ANKRD11: variants seen among roughly 807,000 people sequenced by gnomAD.
The protein encoded by ANKRD11 is ankyrin repeat domain 11.
A neutral mutation model predicts 195.7 loss-of-function variants in ANKRD11; 17 were observed. The observed-to-expected ratio is 0.09, with a 90% CI of 0.06 to 0.13. ANKRD11 has a LOEUF of 0.13. ANKRD11 is among the 10% of genes least tolerant of loss of function. ANKRD11 has a pLI of 1.00. For synonymous variants in ANKRD11, 1,953 were observed against 1,528.1 expected, an observed-to-expected ratio of 1.28 and a Z score of -6.49; for missense variants, 3,735 against 3,566.1, an observed-to-expected ratio of 1.05 and a Z score of -1.21.
intron 1 of ANKRD11, among the ~76,000 whole-genome samples, chr16:89,484,806 T>C (rs1035263194): frequency 5.9e-5 from 9 of 152,170 alleles, no homozygotes; most frequent in Non-Finnish European, 1.2e-4. Flanking sequence ...AAATGGTTTG[T>C]TGAGAAAAAG....
chr16:89,373,917 G>A (rs1044153781), intron 2 of ANKRD11, among the ~76,000 whole-genome samples: 18 of 152,286 alleles, frequency 1.2e-4, no homozygotes, highest in Admixed American at 3.3e-4. Flanking sequence ...CGGTCCACAC[G>A]GGACAGGGTC....
intron 1 of ANKRD11, among the ~76,000 whole-genome samples, chr16:89,458,477 G>A (rs2056532667): frequency 6.6e-6 from 1 of 152,150 alleles, no homozygotes. Flanking sequence ...GCCCATCTCG[G>A]CCTCCCAAAG....
intron 9 of ANKRD11, 151 bp from the exon 10 acceptor site, chr16:89,275,342 A>G (rs2033560641): frequency 1.5e-6 from 1 of 660,404 alleles, no homozygotes; most frequent in Non-Finnish European, 2.6e-6. Flanking sequence ...CAGACACACC[A>G]GGAAGCTTCT....
chr16:89,275,126 C>T lies in ANKRD11; in HGVS notation c.7536G>A (p.Arg2512=), dbSNP rs907721683. The stretch of plus-strand genomic sequence containing the variant: ...TGCTGTGCTGTAGACGCAGCTTTCC[C>T]CGGACGGCCTCCTGCTGCCTGAACA... ...KELFRQQEAV[R]GKLRLQHSIE... Residue 2512 remains arginine (R), a synonymous_variant, in exon 10 of 13, where the codon CGG becomes CGA. Coordinates refer to ENST00000301030, the MANE Select transcript of ANKRD11 (RefSeq NM_013275.6). The T allele has an allele frequency of 3.1e-6, 5 of 1,612,410 alleles. No individual in the cohort carries two copies. Among genetic ancestry groups the T allele is most frequent in the African/African-American group, 1.3e-5 (1 of 74,914 alleles).
At chr16:89,340,461 G>C (rs1054711921) in intron 2 of ANKRD11, among the ~76,000 whole-genome samples, 2 of 152,194 alleles carry the variant, frequency 1.3e-5, no homozygotes, top group Non-Finnish European at 2.9e-5. Context: ...TTTTAGTAGA[G>C]ATGGGGTTTC....
At chr16:89,431,781 G>C (rs1385284275) in intron 1 of ANKRD11, among the ~76,000 whole-genome samples, 1 of 152,094 alleles carries the variant, frequency 6.6e-6, no homozygotes, top group East Asian at 1.9e-4. Flanking sequence ...TGTCCAACTA[G>C]AGACACTGTC....
chr16:89,410,202 C>T (rs1042039441), intron 2 of ANKRD11, among the ~76,000 whole-genome samples: 2 of 152,162 alleles, frequency 1.3e-5, no homozygotes, highest in African/African-American at 4.8e-5. Context: ...ACGGAGCAGG[C>T]ACCTCACAGA....
At chr16:89,271,683 T>A (rs2033168040) in intron 11 of ANKRD11, 1 of 152,826 alleles carries the variant, frequency 6.5e-6, no homozygotes, top group East Asian at 1.9e-4. Context: ...CTGGGAAAAC[T>A]GGCTACGCAT....
At chr16:89,475,552 T>A (rs914122081) in intron 1 of ANKRD11, among the ~76,000 whole-genome samples, 4 of 152,246 alleles carry the variant, frequency 2.6e-5, no homozygotes, top group African/African-American at 9.6e-5. Context: ...ACATTAATGC[T>A]AATTATTTAT....
intron 2 of ANKRD11, among the ~76,000 whole-genome samples, chr16:89,379,084 C>T (rs758557820): frequency 5.3e-5 from 8 of 152,232 alleles, no homozygotes; most frequent in Non-Finnish European, 1.0e-4. Flanking sequence ...ATGCCCAGAA[C>T]GTCGGCAGTG....
chr16:89,372,217 C>G (rs952868663), intron 2 of ANKRD11, among the ~76,000 whole-genome samples: 2 of 152,258 alleles, frequency 1.3e-5, no homozygotes, highest in African/African-American at 4.8e-5. Context: ...TGGATCCTGA[C>G]ACTCAGAGCT....
intron 2 of ANKRD11, among the ~76,000 whole-genome samples, chr16:89,414,642 G>T (rs1336070656): frequency 6.6e-6 from 1 of 152,214 alleles, no homozygotes; most frequent in Non-Finnish European, 1.5e-5. Context: ...CTGAGGCTCG[G>T]AGAGTGGAAG....
At chr16:89,440,259 A>G (rs1316958274) in intron 1 of ANKRD11, among the ~76,000 whole-genome samples, 1 of 152,242 alleles carries the variant, frequency 6.6e-6, no homozygotes, top group Admixed American at 6.5e-5. Flanking sequence ...TAAAATGTAC[A>G]TGTTCCCCTG....
Position 89,285,396 on chromosome 16 carries a change from A to T in ANKRD11, c.1146T>A (p.Ser382=). Residue 382 remains serine, a synonymous_variant, in exon 9 of 13, where the codon TCT becomes TCA. Transcript: ENST00000301030. This position sits in a 1 kb window ranked among gnomAD's most constrained non-coding sequence, Gnocchi z 5.6. ...RKETKSNSFI[S]IPKMEVKSYT... ...AACTTTTAACCTCCATTTTGGGTAT[A>T]GAGATAAAACTATTGGATTTCGTTT... 1 of 1,614,128 alleles carries T rather than the reference A, an allele frequency of 6.2e-7. No homozygotes were observed. Among genetic ancestry groups the T allele is most frequent in the South Asian group, 1.1e-5 (1 of 91,086 alleles).
chr16:89,287,120 G>A (rs1260444351), intron 7 of ANKRD11: 1 of 1,289,564 alleles, frequency 7.8e-7, no homozygotes, highest in Admixed American at 2.3e-5. Flanking sequence ...GGGGCTGCTG[G>A]CAGAATTCAG....
chr16:89,287,222 G>GC, intron 7 of ANKRD11: 2 of 646,940 alleles, frequency 3.1e-6, no homozygotes, highest in South Asian at 3.5e-5. Flanking sequence ...CAGCGCAGGT[G>GC]CGGCCCTCCT....
chr16:89,455,933 T>C (rs970051223), intron 1 of ANKRD11, among the ~76,000 whole-genome samples: 2 of 152,080 alleles, frequency 1.3e-5, no homozygotes, highest in African/African-American at 2.4e-5. Flanking sequence ...CACAGCACTA[T>C]TGAAAACAGA....
Position 89,282,988 on chromosome 16 carries a change from C to T in ANKRD11, c.3554G>A (p.Arg1185Lys), listed in dbSNP as rs1820982239. Residue 1185 changes from arginine to lysine, a missense_variant, in exon 9 of 13, where the codon AGA (arginine) becomes AAA (lysine). Physicochemically the swap from Arg to Lys is conservative, Grantham distance 26. Coordinates refer to ENST00000301030, the MANE Select transcript of ANKRD11 (RefSeq NM_013275.6). ...CGCGTCGGCAGCCCCTCGGTCCTTT[C>T]TCCTGTCTCTGGGCTCCTTGTCCTT... Reference protein sequence around the residue: ...RQKDKEPRDRRKDRGAADAGR... With the variant: ...RQKDKEPRDRKKDRGAADAGR... 6 of 1,613,764 alleles carry T rather than the reference C, an allele frequency of 3.7e-6. No individual in the cohort carries two copies. Among genetic ancestry groups the T allele is most frequent in the Non-Finnish European group, 5.1e-6 (6 of 1,180,028 alleles).
chr16:89,380,770 C>T (rs1597214360), intron 2 of ANKRD11, among the ~76,000 whole-genome samples: 1 of 152,234 alleles, frequency 6.6e-6, no homozygotes, highest in African/African-American at 2.4e-5. Flanking sequence ...TGGGGCATCT[C>T]CTGCACGGGC....
Sources: gnomAD v4.1 joint callset for allele counts (sites outside exome capture counted in the v4.1 genomes callset) on GRCh38, gnomAD v4.1.1 for gene constraint, Gnocchi (gnomAD v3.1) non-coding constraint, MANE v1.5 for transcripts, NCBI Gene and HGNC (gene_info 2026-07-23, HGNC 2026-07-21) for gene names.